Variants in ERAP1 observed in about 807,000 individuals in gnomAD.
The protein encoded by ERAP1 is adipocyte-derived leucine aminopeptidase.
ERAP1 carries 86 observed loss-of-function variants against 103.7 expected under a neutral mutation model. The ratio of observed to expected loss-of-function variants is 0.83; its 90% CI spans 0.70 to 0.99. The LOEUF (loss-of-function observed/expected upper bound fraction) is 0.99, where lower values mean the gene tolerates loss of function less well. ERAP1 is among the 50% of genes least tolerant of loss of function. ERAP1 has a pLI of 0.00. For missense variants in ERAP1, 1,009 were observed against 1,128.4 expected (o/e 0.89, Z 1.52); for synonymous variants, 398 against 402.4 (o/e 0.99, Z 0.13).
At position 96,775,150 on chromosome 5, in the gene ERAP1, A is replaced by C. The variant is rs1229711313; in HGVS notation, c.*1246T>G. 8 of 985,368 alleles carry C rather than the reference A, an allele frequency of 8.1e-6. No homozygotes were observed. The highest frequency in any genetic ancestry group is 9.6e-6 in the Non-Finnish European group (8 of 829,932). The allele number at this position is 985,368 out of a possible 1,614,324, so 61.0% of individuals were successfully genotyped here. On this transcript the variant is annotated 3_prime_UTR_variant, in exon 19 of 19. Coordinates refer to ENST00000443439, the MANE Select transcript of ERAP1 (RefSeq NM_001040458.3). ...AATTCTTAGGGTATTAACTGACTTG[A>C]CTTGAACTCCGTTGGTTTACCATGT...
At position 96,775,073 on chromosome 5, in the gene ERAP1, T is replaced by C; in HGVS notation, c.*1323A>G. 1.0e-6 allele frequency: 1 copy of C among 985,560 alleles called. No individual in the cohort carries two copies. Among genetic ancestry groups the C allele is most frequent in the Non-Finnish European group, 1.2e-6 (1 of 829,922 alleles). 61.1% of individuals were successfully genotyped at this position (985,560 alleles called of 1,614,324 possible). A position where few individuals can be genotyped will look rare whatever the true frequency, so the allele number is the denominator to read the frequency against. ...ATCAAGTCAGCAACAGAGCACACTA[T>C]GGGTTAGATAAGTCCCTGTGTAGCA... On this transcript the variant is annotated 3_prime_UTR_variant, in exon 19 of 19. Transcript: ENST00000443439.
intron 5 of ERAP1, 102 bp from the exon 6 acceptor site, chr5:96,794,059 C>T: frequency 8.6e-7 from 1 of 1,168,426 alleles, no homozygotes; most frequent in Non-Finnish European, 1.3e-6. Flanking sequence ...GCTGCCCGTG[C>T]ATAATCATGG....
chr5:96,817,398 A>G, the ERAP1 span, among the ~76,000 whole-genome samples: 2 of 152,242 alleles, frequency 1.3e-5, no homozygotes, highest in African/African-American at 2.4e-5. Context: ...AATAATGCCA[A>G]CCTCATTTCA....
intron 18 of ERAP1, among the ~76,000 whole-genome samples, chr5:96,778,789 TG>T (rs1241934127): frequency 6.6e-6 from 1 of 151,964 alleles, no homozygotes; most frequent in Admixed American, 6.6e-5. Context: ...AAGGATTGAA[TG>T]GGGGTAAGAG....
At chr5:96,893,884 T>C in the ERAP1 span, among the ~76,000 whole-genome samples, 4 of 152,224 alleles carry the variant, frequency 2.6e-5, no homozygotes, top group East Asian at 7.7e-4. Flanking sequence ...CAAGATTACC[T>C]GCCATTTTCT....
chr5:96,859,634 C>A, the ERAP1 span, among the ~76,000 whole-genome samples: 1 of 152,124 alleles, frequency 6.6e-6, no homozygotes, highest in Non-Finnish European at 1.5e-5. Flanking sequence ...ACTGTTAAGA[C>A]CTTGGCAAAC....
chr5:96,850,479 T>C, the ERAP1 span, among the ~76,000 whole-genome samples: 362 of 152,122 alleles, frequency 2.4e-3, 2 homozygotes, highest in African/African-American at 8.3e-3. Flanking sequence ...CCAACAGATA[T>C]ATGAAAACAT....
the ERAP1 span, among the ~76,000 whole-genome samples, chr5:96,833,039 C>G: frequency 6.6e-6 from 1 of 152,174 alleles, no homozygotes; most frequent in South Asian, 2.1e-4. Context: ...CAGTCTACAA[C>G]CTGGAAGAGG....
chr5:96,789,222 C>G (rs760260822), intron 10 of ERAP1, among the ~76,000 whole-genome samples: 9 of 152,212 alleles, frequency 5.9e-5, no homozygotes, highest in Non-Finnish European at 1.3e-4. Context: ...CGCGGTGGCT[C>G]ATGCCTGTAA....
downstream of ERAP1, chr5:96,773,542 C>T (rs953944528): frequency 6.6e-6 from 1 of 152,188 alleles, no homozygotes; most frequent in Non-Finnish European, 1.5e-5. Context: ...TGTATAGCGT[C>T]TGGCTTTATG....
chr5:96,793,601 T>G, intron 6 of ERAP1, 88 bp from the exon 7 acceptor site: 1 of 1,151,274 alleles, frequency 8.7e-7, no homozygotes. Context: ...TGTTAACATA[T>G]ATTTACAGGA....
the ERAP1 span, among the ~76,000 whole-genome samples, chr5:96,819,216 A>G: frequency 0.66 from 100,308 of 151,976 alleles, 33,595 homozygotes; most frequent in Non-Finnish European, 0.72. Context: ...GAGCCACCAC[A>G]CCCGGCTTGA....
At chr5:96,817,003 CAG>C in the ERAP1 span, among the ~76,000 whole-genome samples, 1 of 152,156 alleles carries the variant, frequency 6.6e-6, no homozygotes, top group African/African-American at 2.4e-5. Flanking sequence ...GTTGGCAAAA[CAG>C]AGGAACTGTA....
chr5:96,872,836 A>G, the ERAP1 span, among the ~76,000 whole-genome samples: 1 of 152,202 alleles, frequency 6.6e-6, no homozygotes, highest in Non-Finnish European at 1.5e-5. Flanking sequence ...AAATGAAGTC[A>G]TTAAGATTTA....
intron 2 of ERAP1, among the ~76,000 whole-genome samples, chr5:96,802,098 CAA>C (rs1259900723): frequency 1.3e-5 from 2 of 151,816 alleles, no homozygotes; most frequent in Non-Finnish European, 2.9e-5. Context: ...GAAAAAATGA[CAA>C]AGTTTATCAA....
At chr5:96,847,680 G>A in the ERAP1 span, among the ~76,000 whole-genome samples, 1 of 152,306 alleles carries the variant, frequency 6.6e-6, no homozygotes, top group Non-Finnish European at 1.5e-5. Flanking sequence ...TCATAGGAAG[G>A]TCGCAATTAT....
chr5:96,779,876 A>G (rs1342318851), intron 18 of ERAP1, among the ~76,000 whole-genome samples: 2 of 152,226 alleles, frequency 1.3e-5, no homozygotes, highest in African/African-American at 4.8e-5. Context: ...TCAGGGGACA[A>G]TTGCGAGAAT....
At chr5:96,807,839 C>T (rs1424679285) in intron 1 of ERAP1, 21 bp downstream of exon 1, 2 of 985,748 alleles carry the variant, frequency 2.0e-6, no homozygotes, top group African/African-American at 1.7e-5. Flanking sequence ...GTCCCCTACC[C>T]GCGGCTCGAG....
chr5:96,763,279 A>G (rs370511530), intron 19 of ERAP1: 1 of 780,482 alleles, frequency 1.3e-6, no homozygotes, highest in South Asian at 1.3e-5. Context: ...GGCCCCGGGC[A>G]GCTCTACCAT....
Sources: gnomAD v4.1 joint callset for allele counts (sites outside exome capture counted in the v4.1 genomes callset) on GRCh38, gnomAD v4.1.1 for gene constraint, MANE v1.5 for transcripts, NCBI Gene and HGNC (gene_info 2026-07-23, HGNC 2026-07-21) for gene names.